TAB2: variants seen among roughly 807,000 people sequenced by gnomAD.
The protein encoded by TAB2 is TGF-beta-activated kinase 1 and MAP3K7-binding protein 2.
A neutral mutation model predicts 65.0 loss-of-function variants in TAB2; 3 were observed. The ratio of observed to expected loss-of-function variants is 0.05; its 90% CI spans 0.02 to 0.12. The LOEUF (loss-of-function observed/expected upper bound fraction) is 0.12, where lower values mean the gene tolerates loss of function less well. Among genes scored for constraint, TAB2 ranks in the 10% least tolerant of loss-of-function variants. The pLI, the probability that TAB2 is intolerant of heterozygous loss-of-function variation, is 1.00. For missense variants in TAB2, 623 were observed against 840.3 expected (o/e 0.74, Z 3.20); for synonymous variants, 298 against 285.1 (o/e 1.05, Z -0.46).
rs748398441 is a variant in TAB2, at chr6:149,409,613, A to G, written c.1976A>G (p.Asp659Gly). 1 of 1,614,098 alleles carries G rather than the reference A, an allele frequency of 6.2e-7. No individual in the cohort carries two copies. Among genetic ancestry groups the G allele is most frequent in the Non-Finnish European group, 8.5e-7 (1 of 1,179,906 alleles). ...ATCATCAAAACACCAAAGACTCAAG[A>G]CACAGAAGATGATGAGGGAGCTCAG... ...RSIIKTPKTQDTEDDEGAQWN... is the reference protein window; with the variant it reads ...RSIIKTPKTQGTEDDEGAQWN... The change falls in exon 7 of 7, where the codon GAC (aspartate) becomes GGC (glycine). Residue 659 changes from aspartate (D) to glycine (G), a missense_variant. Transcript: ENST00000637181.
At chr6:149,348,581 A>G (rs1043136787) in intron 1 of TAB2, among the ~76,000 whole-genome samples, 4 of 151,888 alleles carry the variant, frequency 2.6e-5, no homozygotes, top group South Asian at 4.2e-4. Flanking sequence ...CATGCTATGC[A>G]AAGTCACACA....
At chr6:149,223,832 C>T (rs536507658) in intron 1 of TAB2, among the ~76,000 whole-genome samples, 4 of 152,016 alleles carry the variant, frequency 2.6e-5, no homozygotes, top group Non-Finnish European at 5.9e-5. Context: ...TTAAAAGCAT[C>T]AGCAGCTGAG....
At position 149,403,234 on chromosome 6, in the gene TAB2, T is replaced by TAA. The variant is rs745966790; in HGVS notation, c.1939+4063_1939+4064dup. Among the ~76,000 whole-genome samples, 436 of 66,066 alleles carry TAA rather than the reference T, an allele frequency of 6.6e-3. 5 individuals are homozygous for TAA. The highest frequency in any genetic ancestry group is 0.027 in the East Asian group (38 of 1,410). The allele number at this position is 66,066 out of a possible 152,430, so 43.3% of individuals were successfully genotyped here. A position where few individuals can be genotyped will look rare whatever the true frequency, so the allele number is the denominator to read the frequency against. ...GGGCAACGGGAGCGAAACTCTTGTC[T>TAA]AAAAAAAAAAAAAATATATATATAT... On this transcript the variant is annotated intron_variant, in intron 6 of 6. Coordinates refer to ENST00000637181, the MANE Select transcript of TAB2 (RefSeq NM_001292034.3).
intron 6 of TAB2, among the ~76,000 whole-genome samples, chr6:149,406,394 C>T (rs992684166): frequency 3.3e-5 from 5 of 151,956 alleles, no homozygotes; most frequent in Admixed American, 2.0e-4. Context: ...CAGTGCCTTA[C>T]GTAGGGGAGG....
At position 149,409,703 on chromosome 6, in the gene TAB2, T is replaced by G; in HGVS notation, c.2066T>G (p.Met689Arg). 1 of 1,614,150 alleles carries G rather than the reference T, an allele frequency of 6.2e-7. No homozygotes were observed. The highest frequency in any genetic ancestry group is 8.5e-7 in the Non-Finnish European group (1 of 1,179,982). Residue 689 changes from methionine (M) to arginine (R), a missense_variant, in exon 7 of 7, where the codon ATG becomes AGG. Met to Arg is a moderately conservative substitution (Grantham distance 91, BLOSUM62 -1). Coordinates refer to ENST00000637181, the MANE Select transcript of TAB2 (RefSeq NM_001292034.3). ...TTAATTCGCTGTGAACAGTGTGAGA[T>G]GCCAAGGCATTTCTGAGCCAAATGG... is the stretch of plus-strand genomic sequence containing the variant. Reference protein sequence around the residue: ...PALIRCEQCEMPRHF With the variant: ...PALIRCEQCERPRHF
At chr6:149,226,900 A>C (rs1777291670) in intron 1 of TAB2, among the ~76,000 whole-genome samples, 1 of 152,252 alleles carries the variant, frequency 6.6e-6, no homozygotes, top group Non-Finnish European at 1.5e-5. Flanking sequence ...TTTAGAGCTC[A>C]AAAGTGTTGG....
intron 1 of TAB2, among the ~76,000 whole-genome samples, chr6:149,279,065 A>G (rs1292812811): frequency 1.3e-5 from 2 of 152,192 alleles, no homozygotes; most frequent in Non-Finnish European, 2.9e-5. Flanking sequence ...CCTTGATTCC[A>G]GTTTCTCATT....
chr6:149,350,527 C>T (rs1232053120), intron 1 of TAB2, among the ~76,000 whole-genome samples: 1 of 151,672 alleles, frequency 6.6e-6, no homozygotes, highest in African/African-American at 2.4e-5. Context: ...TGTACACAAG[C>T]TAAGGAAGAA....
At chr6:149,389,214 A>G (rs1426172745) in intron 3 of TAB2, among the ~76,000 whole-genome samples, 2 of 151,826 alleles carry the variant, frequency 1.3e-5, no homozygotes, top group African/African-American at 2.4e-5. Flanking sequence ...TCGGCCTCCC[A>G]AAGTGCTGGG....
rs553829207 is a variant in TAB2, at chr6:149,264,175, A to G, written c.-121+45399A>G. Among the ~76,000 whole-genome samples, 12 of 152,298 alleles carry G rather than the reference A, an allele frequency of 7.9e-5. 1 individual carries two copies. In the South Asian group the frequency reaches 2.3e-3, roughly 29 times the overall value. On this transcript the variant is annotated intron_variant, in intron 1 of 1. Coordinates refer to the TAB2 transcript ENST00000606202. The stretch of plus-strand genomic sequence containing the variant: ...GAGTCACGTTTTAGCCTCCTTGGCA[A>G]GTACTAGGGACCTGGAAATTCCCTG...
At chr6:149,288,614 T>A (rs139282884) in intron 1 of TAB2, among the ~76,000 whole-genome samples, 55 of 152,284 alleles carry the variant, frequency 3.6e-4, no homozygotes, top group African/African-American at 1.3e-3. Flanking sequence ...TCCAGAACAC[T>A]TCTCAAATAC....
At chr6:149,365,838 A>G (rs1323012312) in intron 1 of TAB2, among the ~76,000 whole-genome samples, 1 of 151,786 alleles carries the variant, frequency 6.6e-6, no homozygotes. Context: ...TTCAGATTGG[A>G]TAATTTCTAT....
intron 1 of TAB2, among the ~76,000 whole-genome samples, chr6:149,300,916 G>T (rs550447337): frequency 1.3e-5 from 2 of 152,324 alleles, no homozygotes; most frequent in South Asian, 4.1e-4. Context: ...CAAGCGTATT[G>T]GATTCAACTT....
chr6:149,383,840 C>T (rs2114904367), intron 3 of TAB2, among the ~76,000 whole-genome samples: 1 of 152,282 alleles, frequency 6.6e-6, no homozygotes, highest in South Asian at 2.1e-4. Flanking sequence ...GCCTCAGACT[C>T]CCAAAGTGCT....
At chr6:149,279,356 A>G (rs1002353321) in intron 1 of TAB2, among the ~76,000 whole-genome samples, 5 of 152,104 alleles carry the variant, frequency 3.3e-5, no homozygotes, top group African/African-American at 1.2e-4. Flanking sequence ...AAATGTTGGT[A>G]TTATCCAGAG....
chr6:149,389,012 G>A (rs1339621838), intron 3 of TAB2, among the ~76,000 whole-genome samples: 3 of 144,252 alleles, frequency 2.1e-5, no homozygotes, highest in Non-Finnish European at 4.5e-5. Flanking sequence ...CTGGAGTGCA[G>A]TGGTGCAGTC....
At chr6:149,317,417 AGCCGCC>A (rs5880831), upstream of TAB2, 1,528 of 168,914 alleles carry the variant, frequency 9.0e-3, 21 homozygotes, top group African/African-American at 0.034. The surrounding 1 kb of genome is among the most constrained non-coding windows in gnomAD (Gnocchi z 4.7). Context: ...CCGCAGCCGC[AGCCGCC>A]GCCGCCGCCG....
chr6:149,221,236 A>G (rs1777142609), intron 1 of TAB2: 1 of 152,188 alleles, frequency 6.6e-6, no homozygotes, highest in South Asian at 2.1e-4. Flanking sequence ...GTGTGAAAAT[A>G]CTCAAAAGAC....
intron 1 of TAB2, among the ~76,000 whole-genome samples, chr6:149,345,898 T>C (rs1384967835): frequency 4.6e-5 from 7 of 152,176 alleles, no homozygotes; most frequent in Non-Finnish European, 7.3e-5. Context: ...CATATAATTA[T>C]TTGGACATCA....
Sources: allele counts gnomAD v4.1 joint callset (sites outside exome capture counted in the v4.1 genomes callset), GRCh38; gene constraint gnomAD v4.1.1; non-coding constraint Gnocchi (gnomAD v3.1); transcripts MANE v1.5; gene names NCBI Gene and HGNC (gene_info 2026-07-23, HGNC 2026-07-21).